The following MAPK8 variants were observed in gnomAD, a reference collection of about 807,000 sequenced individuals.
The protein encoded by MAPK8 is JUN N-terminal kinase.
Under a neutral mutation model 52.9 loss-of-function variants are expected in MAPK8, and 13 were observed. The observed-to-expected ratio is 0.25, with a 90% CI of 0.16 to 0.39. The LOEUF (loss-of-function observed/expected upper bound fraction) is 0.39. MAPK8 is among the 10% of genes least tolerant of loss of function. The probability of loss-of-function intolerance (pLI) is 1.00; values close to 1 mark genes in which losing one functional copy is unlikely to be tolerated. For synonymous variants in MAPK8, 191 were observed against 169.8 expected (o/e 1.12, Z -0.97); for missense variants, 300 against 519.2 (o/e 0.58, Z 4.10).
At chr10:48,315,013 G>A (rs541739873) in intron 1 of MAPK8, among the ~76,000 whole-genome samples, 2 of 152,012 alleles carry the variant, frequency 1.3e-5, no homozygotes, top group Non-Finnish European at 2.9e-5. Context: ...CGTGTATTTG[G>A]TACCATTGTT....
At chr10:48,388,690 T>C (rs1022943531) in intron 1 of MAPK8, among the ~76,000 whole-genome samples, 2 of 152,218 alleles carry the variant, frequency 1.3e-5, no homozygotes, top group African/African-American at 4.8e-5. Flanking sequence ...AATTTCTCTT[T>C]AATAATATGC....
At chr10:48,378,683 T>C (rs905221932) in intron 1 of MAPK8, among the ~76,000 whole-genome samples, 10 of 152,064 alleles carry the variant, frequency 6.6e-5, no homozygotes, top group Non-Finnish European at 1.0e-4. Context: ...AGTTTTCTTA[T>C]GAAACGTGAT....
At chr10:48,355,285 G>A (rs375690249) in intron 1 of MAPK8, among the ~76,000 whole-genome samples, 21 of 152,210 alleles carry the variant, frequency 1.4e-4, no homozygotes, top group African/African-American at 4.1e-4. Flanking sequence ...CGAGGTGGGC[G>A]GATCACGAGG....
At chr10:48,412,258 T>C (rs1391968569) in intron 5 of MAPK8, among the ~76,000 whole-genome samples, 1 of 152,246 alleles carries the variant, frequency 6.6e-6, no homozygotes, top group Non-Finnish European at 1.5e-5. Context: ...AATGCACCTC[T>C]CTTGCTGCTC....
At chr10:48,413,345 C>T (rs140137743) in intron 5 of MAPK8, among the ~76,000 whole-genome samples, 5 of 152,268 alleles carry the variant, frequency 3.3e-5, no homozygotes, top group African/African-American at 9.6e-5. Flanking sequence ...TTCTTTTTAA[C>T]ATTTTGAGAA....
chr10:48,402,648 A>G (rs1378433186), intron 2 of MAPK8, among the ~76,000 whole-genome samples: 3 of 152,198 alleles, frequency 2.0e-5, no homozygotes, highest in Non-Finnish European at 2.9e-5. Flanking sequence ...GAATAATTAT[A>G]TTTTTATTAC....
intron 1 of MAPK8, among the ~76,000 whole-genome samples, chr10:48,322,456 A>C (rs1158217059): frequency 6.6e-5 from 10 of 152,244 alleles, no homozygotes; most frequent in African/African-American, 2.4e-4. Flanking sequence ...TGACTTTGGC[A>C]GGAGGCAAGC....
chr10:48,360,613 C>A (rs1362840717), intron 1 of MAPK8, among the ~76,000 whole-genome samples: 2 of 152,146 alleles, frequency 1.3e-5, no homozygotes, highest in Non-Finnish European at 2.9e-5. Flanking sequence ...AGTGGAATAT[C>A]ATTCCATAGG....
intron 1 of MAPK8, among the ~76,000 whole-genome samples, chr10:48,363,539 T>A (rs1847753454): frequency 1.3e-5 from 2 of 152,234 alleles, no homozygotes; most frequent in Admixed American, 6.5e-5. Flanking sequence ...AAATTTGTCG[T>A]CATTGTATTT....
intron 1 of MAPK8, among the ~76,000 whole-genome samples, chr10:48,334,860 G>T (rs1435532323): frequency 6.6e-6 from 1 of 152,126 alleles, no homozygotes; most frequent in Non-Finnish European, 1.5e-5. Context: ...GTTACAGCAG[G>T]TAATTTATCT....
intron 1 of MAPK8, among the ~76,000 whole-genome samples, chr10:48,338,694 G>A (rs1316026206): frequency 6.6e-6 from 1 of 152,118 alleles, no homozygotes; most frequent in African/African-American, 2.4e-5. Context: ...TTCCCCGAAA[G>A]ACTCCTGGAC....
intron 1 of MAPK8, among the ~76,000 whole-genome samples, chr10:48,348,766 A>G (rs1846021898): frequency 6.6e-6 from 1 of 152,122 alleles, no homozygotes; most frequent in Admixed American, 6.5e-5. Flanking sequence ...TGGTACCAGT[A>G]CCATGCTGTT....
At chr10:48,340,162 A>G (rs141296923) in intron 1 of MAPK8, among the ~76,000 whole-genome samples, 2 of 152,352 alleles carry the variant, frequency 1.3e-5, no homozygotes, top group African/African-American at 2.4e-5. Flanking sequence ...GTGTTCATCA[A>G]CAGTGGATTA....
chr10:48,379,243 C>G (rs926701600), intron 1 of MAPK8, among the ~76,000 whole-genome samples: 3 of 152,304 alleles, frequency 2.0e-5, no homozygotes, highest in Admixed American at 1.3e-4. Flanking sequence ...AAGTGACATT[C>G]TTTACATACC....
intron 2 of MAPK8, among the ~76,000 whole-genome samples, chr10:48,402,072 C>A (rs1309655454): frequency 6.6e-6 from 1 of 152,102 alleles, no homozygotes; most frequent in Non-Finnish European, 1.5e-5. Flanking sequence ...ATCAGAAATA[C>A]TTCAGTGAAC....
rs754818843 is a variant in MAPK8, at chr10:48,431,202, A to G, written c.1070A>G (p.Tyr357Cys). Reference protein sequence around the residue: ...HTIEEWKELIYKEVMDLEERT... With the variant: ...HTIEEWKELICKEVMDLEERT... ...TTTACTTCTTTTACAGAATTGATAT[A>G]TAAGGAAGTTATGGACTTGGAGGAG... Residue 357 changes from tyrosine to cysteine, a missense_variant, in exon 11 of 12, where the codon TAT becomes TGT. By Grantham distance (194) the Tyr-to-Cys change is radical (BLOSUM62 -2). This residue lies in a region of MAPK8 where 119 missense variants were observed against 154.4 expected (regional missense o/e 0.77). Transcript: ENST00000374189. 5 of 1,604,540 alleles carry G rather than the reference A, an allele frequency of 3.1e-6. No homozygotes were observed. Among genetic ancestry groups the G allele is most frequent in the South Asian group, 1.1e-5 (1 of 90,812 alleles).
At chr10:48,318,220 A>G (rs1648941078) in intron 1 of MAPK8, among the ~76,000 whole-genome samples, 1 of 152,178 alleles carries the variant, frequency 6.6e-6, no homozygotes, top group African/African-American at 2.4e-5. Context: ...TGTTTTTGCT[A>G]TTAAAGCCTT....
chr10:48,431,997 A>G (rs1302969506), intron 11 of MAPK8, among the ~76,000 whole-genome samples: 3 of 152,232 alleles, frequency 2.0e-5, no homozygotes, highest in African/African-American at 7.2e-5. Flanking sequence ...TTGAAGTAAC[A>G]TAAGATTCCA....
chr10:48,407,554 CT>C (rs1287020522), intron 3 of MAPK8, among the ~76,000 whole-genome samples: 1 of 151,996 alleles, frequency 6.6e-6, no homozygotes, highest in East Asian at 1.9e-4. Context: ...CTTTATTTCC[CT>C]TTTTGAAAAA....
Sources: gnomAD v4.1 joint callset for allele counts (sites outside exome capture counted in the v4.1 genomes callset) on GRCh38, gnomAD v4.1.1 for gene constraint, gnomAD v4.1.1 regional missense constraint, MANE v1.5 for transcripts, NCBI Gene and HGNC (gene_info 2026-07-23, HGNC 2026-07-21) for gene names.